NRP1: variants seen among roughly 807,000 people sequenced by gnomAD.
The protein encoded by NRP1 is neuropilin-1.
In NRP1, 35 loss-of-function variants were observed where a neutral mutation model predicts 106.7. The ratio of observed to expected loss-of-function variants is 0.33; its 90% CI spans 0.25 to 0.43. The LOEUF (loss-of-function observed/expected upper bound fraction) is 0.43, where lower values mean the gene tolerates loss of function less well. Ranked by LOEUF, NRP1 falls within the 20% of genes least tolerant of loss-of-function variation. The pLI is 1.00. For missense variants in NRP1, 1,024 were observed against 1,170.4 expected, an observed-to-expected ratio of 0.87 and a Z score of 1.83; for synonymous variants, 437 against 417.9, an observed-to-expected ratio of 1.05 and a Z score of -0.56.
chr10:33,200,640 C>T (rs369151605), intron 11 of NRP1, among the ~76,000 whole-genome samples: 1 of 152,170 alleles, frequency 6.6e-6, no homozygotes, highest in African/African-American at 2.4e-5. Flanking sequence ...TAAACATCCA[C>T]GTTTGTAGTC....
intron 12 of NRP1, chr10:33,195,460 C>A (rs1289993237): frequency 1.9e-6 from 1 of 532,106 alleles, no homozygotes; most frequent in Admixed American, 1.9e-5. Flanking sequence ...TGATGAGAAT[C>A]AGCAAGATGA....
chr10:33,202,538 T>G, intron 11 of NRP1: 27 of 1,242,320 alleles, frequency 2.2e-5, no homozygotes, highest in Non-Finnish European at 2.8e-5. Flanking sequence ...CTGAAGTGTG[T>G]GGTTACGTAG....
chr10:33,202,798 G>A (rs1461509943), intron 11 of NRP1, 93 bp downstream of exon 11: 1 of 1,609,938 alleles, frequency 6.2e-7, no homozygotes, highest in Non-Finnish European at 8.5e-7. Context: ...TCTCTGCCAT[G>A]CGGAGTTACA....
chr10:33,231,689 G>A (rs944951456), intron 6 of NRP1, among the ~76,000 whole-genome samples: 6 of 151,996 alleles, frequency 3.9e-5, no homozygotes, highest in South Asian at 2.1e-4. Context: ...TGTGCAAAAC[G>A]CGAACCCATG....
rs191779668 is a variant in NRP1 at position 33,246,842 on chromosome 10, T to C, written c.981+7186A>G. Among the ~76,000 whole-genome samples the C allele has an allele frequency of 4.4e-3, 665 of 152,262 alleles. 5 individuals carry two copies. Among genetic ancestry groups the C allele is most frequent in the Admixed American group, 5.0e-3 (77 of 15,292 alleles). ...TGTCTGGTTTATAGGCACAGAGTGT[T>C]TACAATCAGGATAACCTGGTCCTAT... On this transcript the variant is annotated intron_variant, in intron 6 of 16. Transcript: ENST00000374867.
chr10:33,253,244 G>T (rs969536590), intron 6 of NRP1, among the ~76,000 whole-genome samples: 2 of 152,130 alleles, frequency 1.3e-5, no homozygotes, highest in Admixed American at 1.3e-4. Context: ...AGATATCAAG[G>T]TTGGGCAAGT....
chr10:33,179,954 A>T lies in NRP1; in HGVS notation c.*122T>A, dbSNP rs1425628512. On this transcript the variant is annotated 3_prime_UTR_variant, in exon 17 of 17. Transcript: ENST00000374867. ...CCATACTCATTGAAGCTCCTGAGAA[A>T]AGCCTGGCTCAGTGGTCATCAACAC... The T allele has an allele frequency of 7.1e-6, 7 of 982,236 alleles. No homozygotes were observed. Among genetic ancestry groups the T allele is most frequent in the East Asian group, 2.4e-5 (1 of 41,672 alleles). The allele number at this position is 982,236 out of a possible 1,614,324, so 60.8% of individuals were successfully genotyped here. A position where few individuals can be genotyped will look rare whatever the true frequency, so the allele number is the denominator to read the frequency against.
chr10:33,330,643 C>A (rs1019937368), intron 2 of NRP1, 65 bp downstream of exon 2: 76 of 1,418,182 alleles, frequency 5.4e-5, no homozygotes, highest in Non-Finnish European at 6.3e-5. Context: ...CCGACTTCCC[C>A]CCCGTAGACA....
In NRP1 at chr10:33,267,008, A is replaced by G. The variant is rs534763257; in HGVS notation, c.431-3135T>C. 9.9e-5 allele frequency among the ~76,000 whole-genome samples: 15 copies of G among 152,224 alleles called. 1 individual carries two copies. The highest frequency in any genetic ancestry group is 5.2e-4 in the Admixed American group (8 of 15,288). The stretch of plus-strand genomic sequence containing the variant: ...GATCGTGCCACTGCACTCCAGCCTG[A>G]GCAACAGAGTGAGACTCTGTCTCAA... On this transcript the variant is annotated intron_variant, in intron 3 of 16. Transcript: ENST00000374867.
chr10:33,263,317 G>C lies in NRP1; in HGVS notation c.658+329C>G, dbSNP rs890462061. 5.9e-5 allele frequency among the ~76,000 whole-genome samples: 9 copies of C among 152,312 alleles called. No individual in the cohort carries two copies. In the South Asian group the frequency reaches 1.9e-3, roughly 32 times the overall value. On this transcript the variant is annotated intron_variant, in intron 4 of 16. Transcript: ENST00000374867. ...ACAATCTGTGAATTAATGATGAGTA[G>C]CCAGGTCAGTGGATGAGCAAAATAG... is the stretch of plus-strand genomic sequence containing the variant.
intron 6 of NRP1, among the ~76,000 whole-genome samples, chr10:33,251,868 A>G (rs1219357547): frequency 1.3e-5 from 2 of 152,116 alleles, no homozygotes; most frequent in Non-Finnish European, 2.9e-5. Context: ...GGAAGGCAAG[A>G]GCGCGGTCCC....
chr10:33,304,103 A>G (rs1845984482), intron 2 of NRP1, among the ~76,000 whole-genome samples: 1 of 152,230 alleles, frequency 6.6e-6, no homozygotes, highest in African/African-American at 2.4e-5. Context: ...CTGGGAAATA[A>G]CTCAATGTCA....
intron 8 of NRP1, among the ~76,000 whole-genome samples, chr10:33,218,460 C>T (rs574082319): frequency 6.6e-6 from 1 of 151,788 alleles, no homozygotes; most frequent in African/African-American, 2.4e-5. Flanking sequence ...ATTCTCCTGC[C>T]TCAGCCTTCT....
At chr10:33,259,018 C>T (rs985683691) in intron 4 of NRP1, among the ~76,000 whole-genome samples, 2 of 152,122 alleles carry the variant, frequency 1.3e-5, no homozygotes, top group African/African-American at 4.8e-5. Context: ...GTCCTCTGAT[C>T]GCCACAGCCG....
chr10:33,295,175 C>T (rs764763243), intron 2 of NRP1, among the ~76,000 whole-genome samples: 4 of 152,078 alleles, frequency 2.6e-5, no homozygotes, highest in South Asian at 2.1e-4. Flanking sequence ...CTGCCAAGTG[C>T]GGTGATAGGA....
rs969884964 is a variant in NRP1, at chr10:33,304,860, A to G, written c.248+25848T>C. Among the ~76,000 whole-genome samples the G allele has an allele frequency of 5.9e-5, 9 of 152,260 alleles. No individual in the cohort carries two copies. The East Asian group carries it at 1.7e-3, about 29-fold the overall frequency. Reference sequence around the variant, plus strand: ...TTTCGAGGCAGTCTGTCACACGAGTAGAAATAGCGTAGAAACCCATATGTC... The same window carrying G: ...TTTCGAGGCAGTCTGTCACACGAGTGGAAATAGCGTAGAAACCCATATGTC... On this transcript the variant is annotated intron_variant, in intron 2 of 16. Transcript: ENST00000374867.
At chr10:33,310,185 A>T (rs189385480) in intron 2 of NRP1, among the ~76,000 whole-genome samples, 1 of 146,924 alleles carries the variant, frequency 6.8e-6, no homozygotes, top group East Asian at 2.0e-4. Context: ...TCCTGACCTC[A>T]TGATCTGCCC....
intron 6 of NRP1, among the ~76,000 whole-genome samples, chr10:33,245,213 A>C (rs1841327315): frequency 6.6e-6 from 1 of 152,206 alleles, no homozygotes; most frequent in Non-Finnish European, 1.5e-5. Flanking sequence ...GAAAAAAATG[A>C]ATTTTAGGAT....
At position 33,207,639 on chromosome 10, in the gene NRP1, G is replaced by A. The variant is rs1014331980; in HGVS notation, c.1692C>T (p.Ile564=). 6.2e-7 allele frequency: 1 copy of A among 1,614,202 alleles called. No individual in the cohort carries two copies. The change falls in exon 10 of 17, where the codon ATC becomes ATT. Residue 564 remains isoleucine (I), a synonymous_variant. Coordinates refer to ENST00000374867, the MANE Select transcript of NRP1 (RefSeq NM_003873.7). ...CGCCATGAGTGGCTCTCTCGGGGTA[G>A]ATCCTGATGAATCGCGTGGAGAGAG... ...FPALSTRFIR[I]YPERATHGGL... is the part of the protein sequence containing the mutation.
Sources: allele counts gnomAD v4.1 joint callset (sites outside exome capture counted in the v4.1 genomes callset), GRCh38; gene constraint gnomAD v4.1.1; transcripts MANE v1.5; gene names NCBI Gene and HGNC (gene_info 2026-07-23, HGNC 2026-07-21).